Variants in CALCR observed in about 807,000 individuals in gnomAD.
CALCR encodes calcitonin receptor.
Under a neutral mutation model 59.5 loss-of-function variants are expected in CALCR, and 47 were observed. The ratio of observed to expected loss-of-function variants is 0.79; its 90% CI spans 0.63 to 1.01. The LOEUF (loss-of-function observed/expected upper bound fraction) is 1.01, where lower values mean the gene tolerates loss of function less well. Among genes scored for constraint, CALCR ranks in the 50% least tolerant of loss-of-function variants. The pLI, the probability that CALCR is intolerant of heterozygous loss-of-function variation, is 0.00. For synonymous variants in CALCR, 213 were observed against 211.3 expected (o/e 1.01, Z -0.07); for missense variants, 566 against 597.1 (o/e 0.95, Z 0.54).
chr7:93,426,741 G>C (rs1259572278), intron 13 of CALCR, 152 bp from the exon 14 acceptor site: 3 of 458,338 alleles, frequency 6.5e-6, no homozygotes, highest in Non-Finnish European at 1.1e-5. Context: ...TGTGGCCACA[G>C]AATATATCAA....
intron 2 of CALCR, among the ~76,000 whole-genome samples, chr7:93,516,668 G>A (rs1801657886): frequency 6.6e-6 from 1 of 151,774 alleles, no homozygotes. Flanking sequence ...GAGTCGAGAA[G>A]TATGTTACAT....
intron 2 of CALCR, among the ~76,000 whole-genome samples, chr7:93,558,385 A>C (rs1789659988): frequency 6.6e-6 from 1 of 152,078 alleles, no homozygotes; most frequent in South Asian, 2.1e-4. Context: ...TATACTACTT[A>C]AAATGACATT....
At chr7:93,486,328 C>T (rs998082895) in intron 3 of CALCR, among the ~76,000 whole-genome samples, 1 of 151,470 alleles carries the variant, frequency 6.6e-6, no homozygotes, top group Non-Finnish European at 1.5e-5. Flanking sequence ...CGATTACTTG[C>T]TAAATCTTTT....
At position 93,428,446 on chromosome 7, in the gene CALCR, T is replaced by C. The variant is rs756636164; in HGVS notation, c.1192-1857A>G. Among the ~76,000 whole-genome samples the C allele has an allele frequency of 3.9e-5, 6 of 152,212 alleles. No individual in the cohort carries two copies. In the South Asian group the frequency reaches 8.3e-4, roughly 21 times the overall value. The stretch of plus-strand genomic sequence containing the variant: ...AATCTAGGAACCATCAAATGCCCCA[T>C]TGAGAAACTGGGAAATATACAGGTT... On this transcript the variant is annotated intron_variant, in intron 13 of 13. Transcript: ENST00000426151.
chr7:93,558,259 A>T, intron 2 of CALCR, among the ~76,000 whole-genome samples: 1 of 152,126 alleles, frequency 6.6e-6, no homozygotes, highest in Non-Finnish European at 1.5e-5. Context: ...AGAAAGAAAT[A>T]AAACAATTCT....
At chr7:93,486,449 T>G (rs1800946704) in intron 3 of CALCR, among the ~76,000 whole-genome samples, 1 of 151,520 alleles carries the variant, frequency 6.6e-6, no homozygotes, top group Non-Finnish European at 1.5e-5. Flanking sequence ...TAGTCAGTTT[T>G]TGATGAAAAA....
rs867264747 is a variant in CALCR at position 93,549,325 on chromosome 7, T to C, written c.-27+24964A>G. ...CAATAACATATTTTTCAAATGACTATCTTAGTTCTAAAGTCTATTCCCTTT... is the reference window on the plus strand; with the variant it reads ...CAATAACATATTTTTCAAATGACTACCTTAGTTCTAAAGTCTATTCCCTTT... On this transcript the variant is annotated intron_variant, in intron 2 of 13. Coordinates refer to ENST00000426151, the MANE Select transcript of CALCR (RefSeq NM_001742.4). Among the ~76,000 whole-genome samples, 65 of 152,266 alleles carry C rather than the reference T, an allele frequency of 4.3e-4. No homozygotes were observed. The Middle Eastern group carries it at 0.01, about 24-fold the overall frequency.
At chr7:93,482,695 C>T (rs1800824550) in intron 3 of CALCR, 3 of 494,826 alleles carry the variant, frequency 6.1e-6, no homozygotes, top group East Asian at 5.9e-5. Flanking sequence ...GCAGTTTTAA[C>T]ATCAGTAACA....
intron 6 of CALCR, among the ~76,000 whole-genome samples, chr7:93,469,832 G>A (rs921437915): frequency 6.6e-5 from 10 of 151,346 alleles, no homozygotes; most frequent in Non-Finnish European, 1.0e-4. Flanking sequence ...GTGTAGATAG[G>A]ATGAATACCT....
rs1225449995 is a variant in CALCR at position 93,434,730 on chromosome 7, T to C, written c.1150-436A>G. On this transcript the variant is annotated intron_variant, in intron 12 of 13. Coordinates refer to ENST00000426151, the MANE Select transcript of CALCR (RefSeq NM_001742.4). ...ATGTTGTCATGGTGAACTAGTGCAA[T>C]ACTGTACCCACCGCCAAGTTCATCG... 2.0e-5 allele frequency among the ~76,000 whole-genome samples: 3 copies of C among 152,162 alleles called. No homozygotes were observed. In the East Asian group the frequency reaches 5.8e-4, roughly 29 times the overall value.
chr7:93,483,013 T>C (rs750763058), intron 3 of CALCR, among the ~76,000 whole-genome samples: 30 of 151,802 alleles, frequency 2.0e-4, no homozygotes, highest in Non-Finnish European at 3.1e-4. Flanking sequence ...ATTACGTTTA[T>C]ACATACAGTC....
At chr7:93,553,563 A>T (rs2188800) in intron 2 of CALCR, among the ~76,000 whole-genome samples, 1 of 151,744 alleles carries the variant, frequency 6.6e-6, no homozygotes, top group East Asian at 1.9e-4. Flanking sequence ...TTCCTGACAG[A>T]TCTGTCAATA....
intron 2 of CALCR, among the ~76,000 whole-genome samples, chr7:93,566,812 T>G (rs1331350730): frequency 6.6e-6 from 1 of 152,206 alleles, no homozygotes; most frequent in Non-Finnish European, 1.5e-5. Flanking sequence ...TTTCTATTTT[T>G]AGTTATACCT....
chr7:93,455,072 T>A (rs918945656), intron 8 of CALCR, among the ~76,000 whole-genome samples: 3 of 151,936 alleles, frequency 2.0e-5, no homozygotes, highest in African/African-American at 7.2e-5. Context: ...TATATCCCCA[T>A]GGGCATTGGT....
chr7:93,543,282 T>C (rs1044022819), intron 2 of CALCR, among the ~76,000 whole-genome samples: 4 of 152,072 alleles, frequency 2.6e-5, no homozygotes, highest in South Asian at 4.1e-4. Flanking sequence ...GCAGCTGAGA[T>C]TACAGGTGCC....
chr7:93,544,374 T>C (rs1358143713), intron 2 of CALCR, among the ~76,000 whole-genome samples: 2 of 152,170 alleles, frequency 1.3e-5, no homozygotes, highest in Non-Finnish European at 2.9e-5. Flanking sequence ...TACATTAATT[T>C]ACATCTCTCA....
rs148624177 is a variant in CALCR, at chr7:93,495,976, T to C, written c.-26-8969A>G. On this transcript the variant is annotated intron_variant, in intron 2 of 13. Transcript: ENST00000426151. The stretch of plus-strand genomic sequence containing the variant: ...GTGGATCAGTGGGAATCATTTATTC[T>C]GTGAATAAATAAAATGAAAATCAGT... 788 of 1,442,230 alleles carry C rather than the reference T, an allele frequency of 5.5e-4. 7 individuals carry two copies. In the African/African-American group the frequency reaches 9.3e-3, roughly 17 times the overall value. The allele number at this position is 1,442,230 out of a possible 1,614,324, so 89.3% of individuals were successfully genotyped here.
At chr7:93,547,127 T>G (rs966803208) in intron 2 of CALCR, among the ~76,000 whole-genome samples, 1 of 152,162 alleles carries the variant, frequency 6.6e-6, no homozygotes, top group Non-Finnish European at 1.5e-5. Flanking sequence ...ACGGACCTCT[T>G]AGGACAGGTT....
At chr7:93,517,528 AG>A (rs1801675511) in intron 2 of CALCR, among the ~76,000 whole-genome samples, 2 of 151,878 alleles carry the variant, frequency 1.3e-5, no homozygotes, top group African/African-American at 4.8e-5. Context: ...AATCCATAAC[AG>A]CACTGCTATC....
Sources: gnomAD v4.1 joint callset for allele counts (sites outside exome capture counted in the v4.1 genomes callset) on GRCh38, gnomAD v4.1.1 for gene constraint, MANE v1.5 for transcripts, NCBI Gene and HGNC (gene_info 2026-07-23, HGNC 2026-07-21) for gene names.